CTNNA2: variants seen among roughly 807,000 people sequenced by gnomAD.
CTNNA2 encodes catenin alpha 2, also known as catenin alpha-2.
Under a neutral mutation model 101.0 loss-of-function variants are expected in CTNNA2, and 42 were observed. The ratio of observed to expected loss-of-function variants is 0.42; its 90% confidence interval spans 0.32 to 0.54. CTNNA2 has a LOEUF of 0.54. CTNNA2 is among the 20% of genes least tolerant of loss of function. CTNNA2 has a pLI of 0.14. For missense variants in CTNNA2, 871 were observed against 1,223.1 expected, an observed-to-expected ratio of 0.71 and a Z score of 4.29; for synonymous variants, 450 against 456.4, an observed-to-expected ratio of 0.99 and a Z score of 0.18.
intron 7 of CTNNA2, among the ~76,000 whole-genome samples, chr2:79,982,265 T>C (rs369845721): frequency 1.5e-4 from 12 of 80,674 alleles, no homozygotes; most frequent in African/African-American, 5.6e-4. Context: ...CACACACACA[T>C]AACATATATA....
chr2:80,372,159 T>C (rs998941612), intron 7 of CTNNA2, among the ~76,000 whole-genome samples: 5 of 152,146 alleles, frequency 3.3e-5, no homozygotes, highest in African/African-American at 1.2e-4. Context: ...TTATGGATGA[T>C]AATTAGCTGG....
chr2:80,590,548 A>G (rs1316488169), intron 15 of CTNNA2, among the ~76,000 whole-genome samples: 1 of 152,136 alleles, frequency 6.6e-6, no homozygotes, highest in East Asian at 1.9e-4. Flanking sequence ...CTGATGGGTG[A>G]CAACTTTTTT....
At chr2:80,545,218 A>G in intron 10 of CTNNA2, 144 bp downstream of exon 10, 1 of 777,624 alleles carries the variant, frequency 1.3e-6, no homozygotes, top group Non-Finnish European at 2.0e-6. Flanking sequence ...TACCTTTCTC[A>G]GAAAGAATAA....
At chr2:79,908,929 C>T (rs550999629) in intron 6 of CTNNA2, among the ~76,000 whole-genome samples, 4 of 152,318 alleles carry the variant, frequency 2.6e-5, no homozygotes, top group East Asian at 1.9e-4. Flanking sequence ...TTCTATGTGA[C>T]GCCTTCCTTT....
At chr2:79,905,732 T>G (rs557606242) in intron 6 of CTNNA2, among the ~76,000 whole-genome samples, 1 of 152,260 alleles carries the variant, frequency 6.6e-6, no homozygotes, top group South Asian at 2.1e-4. Flanking sequence ...CTGAGGCCTG[T>G]TAGAGCCCTG....
chr2:80,648,602 T>G lies in CTNNA2; in HGVS notation c.*730T>G. 1.4e-5 allele frequency: 1 copy of G among 72,972 alleles called. No individual in the cohort carries two copies. Among genetic ancestry groups the G allele is most frequent in the African/African-American group, 3.2e-5 (1 of 31,726 alleles). 4.5% of individuals were successfully genotyped at this position (72,972 alleles called of 1,614,324 possible). On this transcript the variant is annotated 3_prime_UTR_variant, in exon 19 of 19. Transcript: ENST00000402739. ...CCAATCTTGCTTTCATTTTTTTTTC[T>G]TTTTAATTTGAACCATGATTTTGCT...
intron 7 of CTNNA2, among the ~76,000 whole-genome samples, chr2:80,099,296 A>T (rs570125016): frequency 6.6e-6 from 1 of 152,268 alleles, no homozygotes; most frequent in South Asian, 2.1e-4. Flanking sequence ...TGGACCCCAG[A>T]AAAAGCTAAT....
intron 3 of CTNNA2, among the ~76,000 whole-genome samples, chr2:79,789,300 G>C (rs928106103): frequency 3.3e-5 from 5 of 152,152 alleles, no homozygotes; most frequent in Non-Finnish European, 7.4e-5. Flanking sequence ...AAAAAGCTGA[G>C]AGATTTGAGA....
chr2:80,455,991 A>G (rs1360144657), intron 9 of CTNNA2, among the ~76,000 whole-genome samples: 1 of 152,220 alleles, frequency 6.6e-6, no homozygotes, highest in East Asian at 1.9e-4. Context: ...TGGCTCTAAA[A>G]CAAAATGTCC....
In CTNNA2 at chr2:79,909,727, A is replaced by G; in HGVS notation, c.986A>G (p.Glu329Gly). Reference protein sequence around the residue: ...DSSCTRDDRRERIVAECNAVR... With the variant: ...DSSCTRDDRRGRIVAECNAVR... ...TCCTGCACGCGAGACGACCGGCGCG[A>G]GAGGATCGTGGCGGAGTGCAACGCC... Residue 329 changes from glutamate to glycine, a missense_variant, in exon 7 of 19, where the codon GAG (glutamate) becomes GGG (glycine). Physicochemically the swap from Glu to Gly is moderately conservative, Grantham distance 98. Coordinates refer to ENST00000402739, the MANE Select transcript of CTNNA2 (RefSeq NM_001282597.3). 6.2e-7 allele frequency: 1 copy of G among 1,613,826 alleles called. No individual in the cohort carries two copies. The highest frequency in any genetic ancestry group is 8.5e-7 in the Non-Finnish European group (1 of 1,179,872).
chr2:80,370,254 G>T (rs1047882878), intron 7 of CTNNA2, among the ~76,000 whole-genome samples: 4 of 82,400 alleles, frequency 4.9e-5, no homozygotes, highest in Non-Finnish European at 1.0e-4. Flanking sequence ...TATTTGAGTG[G>T]TGTGTGTGTG....
intron 4 of CTNNA2, among the ~76,000 whole-genome samples, chr2:79,408,761 T>C (rs571521592): frequency 2.2e-4 from 34 of 152,106 alleles, no homozygotes; most frequent in African/African-American, 7.2e-4. Flanking sequence ...AATAAACATA[T>C]GTGTGCATGT....
intron 7 of CTNNA2, among the ~76,000 whole-genome samples, chr2:80,059,487 T>C (rs1697433233): frequency 6.6e-6 from 1 of 152,230 alleles, no homozygotes; most frequent in African/African-American, 2.4e-5. Context: ...CCTTCACAAC[T>C]GACAGCTTTA....
At chr2:79,842,581 C>CT (rs1321073797) in intron 3 of CTNNA2, among the ~76,000 whole-genome samples, 3 of 152,142 alleles carry the variant, frequency 2.0e-5, no homozygotes, top group African/African-American at 7.2e-5. Flanking sequence ...TAGAGCTTCT[C>CT]TTTGCATCAA....
At chr2:79,578,979 T>A (rs1243075603) in intron 1 of CTNNA2, among the ~76,000 whole-genome samples, 1 of 152,188 alleles carries the variant, frequency 6.6e-6, no homozygotes. Flanking sequence ...CCTGTCATAT[T>A]TGACATTACT....
intron 2 of CTNNA2, among the ~76,000 whole-genome samples, chr2:79,661,221 T>A (rs1470013452): frequency 6.6e-6 from 1 of 152,218 alleles, no homozygotes; most frequent in African/African-American, 2.4e-5. Context: ...ATGTGACATC[T>A]GCCCTTTTTC....
rs915883360 is a variant in CTNNA2, at chr2:80,543,244, G to A, written c.1291-1738G>A. Among the ~76,000 whole-genome samples the A allele has an allele frequency of 2.0e-5, 3 of 152,182 alleles. No homozygotes were observed. In the South Asian group the frequency reaches 6.2e-4, roughly 31 times the overall value. On this transcript the variant is annotated intron_variant, in intron 9 of 18. Transcript: ENST00000402739. ...AAGATGAATAAAAATGTGGAGAGAA[G>A]ACATTATGATATAACAAAGAAATTG...
chr2:79,196,154 G>A (rs1315117476), intron 1 of CTNNA2, among the ~76,000 whole-genome samples: 3 of 152,080 alleles, frequency 2.0e-5, no homozygotes, highest in African/African-American at 7.2e-5. Context: ...GGCAGGTCAC[G>A]AACTCCTGAC....
intron 3 of CTNNA2, among the ~76,000 whole-genome samples, chr2:79,329,558 T>G (rs1332087922): frequency 6.6e-6 from 1 of 152,100 alleles, no homozygotes; most frequent in Non-Finnish European, 1.5e-5. Flanking sequence ...TACACTGGTG[T>G]GCAGTGGGCC....
Sources: gnomAD v4.1 joint callset for allele counts (sites outside exome capture counted in the v4.1 genomes callset) on GRCh38, gnomAD v4.1.1 for gene constraint, MANE v1.5 for transcripts, NCBI Gene and HGNC (gene_info 2026-07-23, HGNC 2026-07-21) for gene names.